Variants in CHCHD3 observed in about 807,000 individuals in gnomAD.
CHCHD3 encodes coiled-coil-helix-coiled-coil-helix domain containing 3, also known as MICOS complex subunit MIC19.
Under a neutral mutation model 38.2 loss-of-function variants are expected in CHCHD3, and 20 were observed. The ratio of observed to expected loss-of-function variants is 0.52; its 90% CI spans 0.37 to 0.76. The LOEUF (loss-of-function observed/expected upper bound fraction) is 0.76. Among genes scored for constraint, CHCHD3 ranks in the 30% least tolerant of loss-of-function variants. The pLI, the probability that CHCHD3 is intolerant of heterozygous loss-of-function variation, is 0.00. For missense variants in CHCHD3, 245 were observed against 279.2 expected (o/e 0.88, Z 0.87); for synonymous variants, 82 against 100.0 (o/e 0.82, Z 1.07).
chr7:133,081,136 G>T (rs978832223), intron 1 of CHCHD3, among the ~76,000 whole-genome samples: 2 of 152,106 alleles, frequency 1.3e-5, no homozygotes, highest in Admixed American at 1.3e-4. Flanking sequence ...GGTCAGAAAT[G>T]ACTACATTAC....
intron 2 of CHCHD3, among the ~76,000 whole-genome samples, chr7:133,047,853 G>A (rs185264383): frequency 3.5e-4 from 53 of 152,132 alleles, no homozygotes; most frequent in African/African-American, 1.2e-3. Context: ...TTTGGGAGGC[G>A]GAGGTGGGCA....
intron 6 of CHCHD3, among the ~76,000 whole-genome samples, chr7:132,831,612 T>C (rs1807653767): frequency 6.6e-6 from 1 of 152,300 alleles, no homozygotes; most frequent in East Asian, 1.9e-4. Context: ...CAGAACTTAA[T>C]AGCTCAAACT....
At chr7:133,072,766 G>A (rs145345403) in intron 1 of CHCHD3, among the ~76,000 whole-genome samples, 3,427 of 150,318 alleles carry the variant, frequency 0.023, 131 homozygotes, top group African/African-American at 0.08. Flanking sequence ...GTGAACCCGG[G>A]AGGCAGAGCT....
chr7:132,792,914 G>C (rs951354314), intron 7 of CHCHD3, among the ~76,000 whole-genome samples: 2 of 152,184 alleles, frequency 1.3e-5, no homozygotes, highest in African/African-American at 4.8e-5. Flanking sequence ...GAAATGCTTA[G>C]ACTAGCAACT....
chr7:132,925,646 C>T (rs192708585), intron 4 of CHCHD3, among the ~76,000 whole-genome samples: 14 of 152,178 alleles, frequency 9.2e-5, no homozygotes, highest in East Asian at 1.9e-4. Flanking sequence ...CATATCTGTA[C>T]GATCTTCAGC....
At chr7:132,926,750 T>G (rs1261834197) in intron 4 of CHCHD3, among the ~76,000 whole-genome samples, 1 of 152,240 alleles carries the variant, frequency 6.6e-6, no homozygotes, top group East Asian at 1.9e-4. Context: ...AAATCATTTC[T>G]AGATTACTTC....
intron 3 of CHCHD3, among the ~76,000 whole-genome samples, chr7:132,978,768 A>G (rs1436344725): frequency 1.3e-5 from 2 of 152,104 alleles, no homozygotes; most frequent in Non-Finnish European, 2.9e-5. Context: ...CTCCAACATC[A>G]ACACCTAACT....
intron 4 of CHCHD3, among the ~76,000 whole-genome samples, chr7:132,937,872 A>G (rs1010917687): frequency 2.6e-5 from 4 of 152,224 alleles, no homozygotes; most frequent in African/African-American, 9.6e-5. Context: ...AGCCTGTGCT[A>G]CATAAAGAGA....
At chr7:132,964,650 G>C (rs1811411789) in intron 4 of CHCHD3, among the ~76,000 whole-genome samples, 1 of 152,156 alleles carries the variant, frequency 6.6e-6, no homozygotes, top group Non-Finnish European at 1.5e-5. Flanking sequence ...ATGGATAATT[G>C]CTACAAACCA....
At chr7:132,795,660 G>GA (rs1806590082) in intron 7 of CHCHD3, among the ~76,000 whole-genome samples, 1 of 152,208 alleles carries the variant, frequency 6.6e-6, no homozygotes, top group African/African-American at 2.4e-5. Flanking sequence ...AGTTGGGTTA[G>GA]AAGGTCAAAT....
intron 3 of CHCHD3, among the ~76,000 whole-genome samples, chr7:132,981,407 A>G (rs1811915741): frequency 6.6e-6 from 1 of 152,254 alleles, no homozygotes; most frequent in East Asian, 1.9e-4. Context: ...AAACATCTTA[A>G]AGAGTAAACT....
intron 3 of CHCHD3, among the ~76,000 whole-genome samples, chr7:132,991,847 G>A (rs1034179619): frequency 1.3e-5 from 2 of 152,150 alleles, no homozygotes; most frequent in African/African-American, 4.8e-5. Context: ...GGCAAAGACT[G>A]ATCCTCAGGG....
At chr7:132,890,035 T>C (rs938719767) in intron 4 of CHCHD3, among the ~76,000 whole-genome samples, 6 of 152,240 alleles carry the variant, frequency 3.9e-5, no homozygotes, top group Admixed American at 2.6e-4. Context: ...GAAATATGTA[T>C]TGAATAGTTT....
At position 132,788,043 on chromosome 7, in the gene CHCHD3, C is replaced by T. The variant is rs1372758799; in HGVS notation, c.661-2383G>A. On this transcript the variant is annotated intron_variant, in intron 7 of 7. Transcript: ENST00000262570. The surrounding 1 kb of genome is among the most constrained non-coding windows in gnomAD (Gnocchi z 4.0). ...CGCTGAGCACCCACCATGTAAGAGA[C>T]ACCACCTGGCAGTGTCACAGCGTCA... Among the ~76,000 whole-genome samples the T allele has an allele frequency of 2.0e-5, 3 of 152,200 alleles. No individual in the cohort carries two copies. Among genetic ancestry groups the T allele is most frequent in the African/African-American group, 7.2e-5 (3 of 41,446 alleles).
At chr7:132,877,320 C>A (rs1241507053) in intron 5 of CHCHD3, among the ~76,000 whole-genome samples, 1 of 152,112 alleles carries the variant, frequency 6.6e-6, no homozygotes, top group South Asian at 2.1e-4. Flanking sequence ...AAGGATAAGA[C>A]CCCCATATCC....
At chr7:132,856,500 G>T (rs1808345527) in intron 5 of CHCHD3, among the ~76,000 whole-genome samples, 1 of 152,206 alleles carries the variant, frequency 6.6e-6, no homozygotes, top group South Asian at 2.1e-4. Context: ...GCTCTGAAAT[G>T]ATTCCTTTTC....
chr7:132,885,626 T>C (rs759298066), intron 5 of CHCHD3, 36 bp downstream of exon 5: 23 of 1,413,560 alleles, frequency 1.6e-5, no homozygotes, highest in South Asian at 6.4e-5. Flanking sequence ...AAACAGCAGA[T>C]GTGGTAATAG....
At chr7:133,064,191 A>T (rs1309145476) in intron 2 of CHCHD3, among the ~76,000 whole-genome samples, 1 of 152,270 alleles carries the variant, frequency 6.6e-6, no homozygotes, top group African/African-American at 2.4e-5. Flanking sequence ...GATGGCGGCC[A>T]TGCTAACACT....
At chr7:132,967,625 T>TTAAATAAA (rs72008953) in intron 4 of CHCHD3, among the ~76,000 whole-genome samples, 158 of 140,020 alleles carry the variant, frequency 1.1e-3, no homozygotes, top group South Asian at 2.6e-3. Context: ...ATGCTGTTTC[T>TTAAATAAA]TAAATAAATA....
Sources: allele counts gnomAD v4.1 joint callset (sites outside exome capture counted in the v4.1 genomes callset), GRCh38; gene constraint gnomAD v4.1.1; non-coding constraint Gnocchi (gnomAD v3.1); transcripts MANE v1.5; gene names NCBI Gene and HGNC (gene_info 2026-07-23, HGNC 2026-07-21).